The following AKAP9 variants were observed in gnomAD, a reference collection of about 807,000 sequenced individuals.
AKAP9 encodes A-kinase anchor protein 9.
Under a neutral mutation model 488.5 loss-of-function variants are expected in AKAP9, and 311 were observed. That is an observed-to-expected ratio of 0.64 (90% CI 0.58 to 0.70). The LOEUF (loss-of-function observed/expected upper bound fraction) is 0.70, where lower values mean the gene tolerates loss of function less well. Among genes scored for constraint, AKAP9 ranks in the 30% least tolerant of loss-of-function variants. AKAP9 has a pLI of 0.00. For synonymous variants in AKAP9, 1,462 were observed against 1,483.5 expected (o/e 0.99, Z 0.33); for missense variants, 4,215 against 4,374.5 (o/e 0.96, Z 1.03).
intron 25 of AKAP9, 69 bp from the exon 26 acceptor site, chr7:92,066,358 A>C: frequency 6.4e-7 from 1 of 1,571,818 alleles, no homozygotes. Context: ...TCTAAAGGAG[A>C]AGTAAGAAAT....
Position 91,994,664 on chromosome 7 carries a change from T to C in AKAP9, c.620T>C (p.Ile207Thr). ...EAAIKQRDGI[I>T]TQLTANLQQA... ...GCCATTAAACAAAGAGATGGCATTA[T>C]AACCCAGCTCACTGCTAATTTACAA... Residue 207 changes from isoleucine (I) to threonine (T), a missense_variant, in exon 6 of 50, where the codon ATA becomes ACA. Ile to Thr is a moderately conservative substitution (Grantham distance 89). Transcript: ENST00000356239. The C allele has an allele frequency of 6.2e-7, 1 of 1,613,428 alleles. No homozygotes were observed. The highest frequency in any genetic ancestry group is 8.5e-7 in the Non-Finnish European group (1 of 1,179,658).
At chr7:92,105,238 T>C (rs2075881) in intron 46 of AKAP9, among the ~76,000 whole-genome samples, 68,505 of 151,992 alleles carry the variant, frequency 0.45, 16,673 homozygotes, top group African/African-American at 0.64. Context: ...GGACAAGAGC[T>C]TCACCCACCT....
chr7:92,031,412 T>C, intron 15 of AKAP9, 100 bp from the exon 16 acceptor site: 1 of 826,260 alleles, frequency 1.2e-6, no homozygotes, highest in East Asian at 2.5e-5. Context: ...AGAACTTTTC[T>C]AAAAATACTG....
rs1353379730 is a variant in AKAP9 at position 92,102,588 on chromosome 7, A to G, written c.11098-6A>G. 6.2e-7 allele frequency: 1 copy of G among 1,612,208 alleles called. No homozygotes were observed. Among genetic ancestry groups the G allele is most frequent in the Non-Finnish European group, 8.5e-7 (1 of 1,178,302 alleles). On this transcript the variant is annotated splice_polypyrimidine_tract_variant and splice_region_variant and intron_variant, in intron 45 of 49. Coordinates refer to ENST00000356239, the MANE Select transcript of AKAP9 (RefSeq NM_005751.5). ...GTCTTTACATTCTTCTCTTCCCTAA[A>G]TATAGAGAATTTATGGTAAATACTT...
chr7:91,983,014 C>G (rs1482750083), intron 3 of AKAP9, among the ~76,000 whole-genome samples: 3 of 151,802 alleles, frequency 2.0e-5, no homozygotes, highest in Non-Finnish European at 4.4e-5. Context: ...ATATCCTTTG[C>G]CTGTTTTTTG....
At chr7:92,003,327 C>A in intron 8 of AKAP9, 92 bp downstream of exon 8, 1 of 971,308 alleles carries the variant, frequency 1.0e-6, no homozygotes. Flanking sequence ...AAGTTCATAT[C>A]CTTACAAGAG....
chr7:92,037,537 A>T (rs950698034), intron 16 of AKAP9, among the ~76,000 whole-genome samples: 3 of 152,202 alleles, frequency 2.0e-5, no homozygotes, highest in Non-Finnish European at 4.4e-5. Context: ...ACTTAAAGTT[A>T]TTGATACGGT....
At position 92,012,481 on chromosome 7, in the gene AKAP9, A is replaced by C. The variant is rs745677016; in HGVS notation, c.3371A>C (p.Tyr1124Ser). Residue 1124 changes from tyrosine to serine, a missense_variant, in exon 9 of 50, where the codon TAT becomes TCT. Transcript: ENST00000356239. ...EAQRICLSLV[Y>S]STHVDQVREY... ...CAACGCATTTGCCTCTCTCTGGTTT[A>C]TTCAACTCATGTGGATCAGGTTCGT... 6.2e-7 allele frequency: 1 copy of C among 1,614,114 alleles called. No homozygotes were observed. Among genetic ancestry groups the C allele is most frequent in the Non-Finnish European group, 8.5e-7 (1 of 1,179,990 alleles).
chr7:92,086,938 G>C (rs1454308465), intron 37 of AKAP9, among the ~76,000 whole-genome samples: 1 of 152,040 alleles, frequency 6.6e-6, no homozygotes, highest in Non-Finnish European at 1.5e-5. Context: ...TCTCCTTAAG[G>C]CACATCACAG....
Position 92,016,232 on chromosome 7 carries a change from A to G in AKAP9, c.3716A>G (p.Asp1239Gly). 1 of 1,566,060 alleles carries G rather than the reference A, an allele frequency of 6.4e-7. No homozygotes were observed. Among genetic ancestry groups the G allele is most frequent in the South Asian group, 1.1e-5 (1 of 89,716 alleles). The stretch of plus-strand genomic sequence containing the variant: ...GGTGATTACATTTCTGAAAATGAAG[A>G]TCCAGAATTACAAGATTATAGATAT... Reference protein sequence around the residue: ...NSGDYISENEDPELQDYRYEV... With the variant: ...NSGDYISENEGPELQDYRYEV... The change falls in exon 11 of 50, where the codon GAT becomes GGT. Residue 1239 changes from aspartate (D) to glycine (G), a missense_variant. Asp to Gly is a moderately conservative substitution (Grantham distance 94, BLOSUM62 -1). This residue lies in a region of AKAP9 where 2,361 missense variants were observed against 2,430.0 expected (regional missense o/e 0.97). Coordinates refer to ENST00000356239, the MANE Select transcript of AKAP9 (RefSeq NM_005751.5).
rs752723636 is a variant in AKAP9, at chr7:92,065,430, A to G, written c.6177A>G (p.Glu2059=). Residue 2059 remains glutamate, a synonymous_variant, in exon 25 of 50, where the codon GAA becomes GAG. Coordinates refer to ENST00000356239, the MANE Select transcript of AKAP9 (RefSeq NM_005751.5). ...MDLRQQNQAL[E]KQLEKMRKFL... ...TAAGACAGCAAAACCAAGCATTGGA[A>G]AAGCAGTTAGAAAAAATGAGAAAAT... is the stretch of plus-strand genomic sequence containing the variant. 1.4e-5 allele frequency: 23 copies of G among 1,612,486 alleles called. No individual in the cohort carries two copies. The African/African-American group carries it at 2.7e-4, about 19-fold the overall frequency.
chr7:92,035,086 G>A (rs1235431399), intron 16 of AKAP9, among the ~76,000 whole-genome samples: 2 of 152,146 alleles, frequency 1.3e-5, no homozygotes, highest in African/African-American at 4.8e-5. Context: ...CGAAAGCATA[G>A]CGTTACAGCT....
intron 16 of AKAP9, among the ~76,000 whole-genome samples, chr7:92,034,498 A>ATTTTTTTTTTT (rs59961119): frequency 1.0e-5 from 1 of 95,456 alleles, no homozygotes; most frequent in East Asian, 3.1e-4. Context: ...ATATATATAT[A>ATTTTTTTTTTT]TTTTTTTTTT....
At chr7:92,058,994 G>A (rs1361984500) in intron 22 of AKAP9, among the ~76,000 whole-genome samples, 1 of 151,898 alleles carries the variant, frequency 6.6e-6, no homozygotes, top group Non-Finnish European at 1.5e-5. Flanking sequence ...TTAGCATAAA[G>A]AGGCTTGAAT....
chr7:92,061,908 T>C (rs1041052075), intron 23 of AKAP9, among the ~76,000 whole-genome samples: 1 of 152,060 alleles, frequency 6.6e-6, no homozygotes, highest in Non-Finnish European at 1.5e-5. Context: ...CCTTCTAATT[T>C]TCAAAATGTG....
intron 22 of AKAP9, among the ~76,000 whole-genome samples, chr7:92,053,236 A>G (rs952098898): frequency 6.6e-6 from 1 of 152,192 alleles, no homozygotes; most frequent in Non-Finnish European, 1.5e-5. Flanking sequence ...ACTTTCATAT[A>G]TGAAAACAAC....
rs760147656 is a variant in AKAP9 at position 92,079,875 on chromosome 7, C to G, written c.7742C>G (p.Pro2581Arg). The G allele has an allele frequency of 6.8e-6, 11 of 1,613,818 alleles. No individual in the cohort carries two copies. The highest frequency in any genetic ancestry group is 1.3e-5 in the African/African-American group (1 of 74,886). The stretch of plus-strand genomic sequence containing the variant: ...GATAATCAAACAATTTCATCAGAAC[C>G]TGAAAGAACAAATATTCAGAATTTA... ...CQDNQTISSEPERTNIQNLNQ... is the reference protein window; with the variant it reads ...CQDNQTISSERERTNIQNLNQ... Residue 2581 changes from proline to arginine, a missense_variant, in exon 31 of 50, where the codon CCT becomes CGT. Physicochemically the swap from Pro to Arg is moderately radical, Grantham distance 103 (BLOSUM62 -2). Transcript: ENST00000356239.
At chr7:92,014,849 C>T (rs192981628) in intron 10 of AKAP9, among the ~76,000 whole-genome samples, 14 of 152,088 alleles carry the variant, frequency 9.2e-5, no homozygotes, top group African/African-American at 3.4e-4. Context: ...TAAATTATCT[C>T]GCCTGTAGAA....
chr7:91,975,906 GT>G lies in AKAP9; in HGVS notation c.306+1944del, dbSNP rs1212196433. 4.7e-5 allele frequency among the ~76,000 whole-genome samples: 5 copies of G among 106,604 alleles called. No homozygotes were observed. In the East Asian group the frequency reaches 8.7e-4, roughly 18 times the overall value. 69.9% of individuals were successfully genotyped at this position (106,604 alleles called of 152,430 possible). A position where few individuals can be genotyped will look rare whatever the true frequency, so the allele number is the denominator to read the frequency against. ...TTTTTATTTTTTAGTTTATTGGTTT[GT>G]TTTTTGTTTGTTTGTTTGTTTTTTT... On this transcript the variant is annotated intron_variant, in intron 2 of 49. Transcript: ENST00000356239.
Sources: gnomAD v4.1 joint callset for allele counts (sites outside exome capture counted in the v4.1 genomes callset) on GRCh38, gnomAD v4.1.1 for gene constraint, gnomAD v4.1.1 regional missense constraint, MANE v1.5 for transcripts, NCBI Gene and HGNC (gene_info 2026-07-23, HGNC 2026-07-21) for gene names.